CDC73: variants seen among roughly 807,000 people sequenced by gnomAD.
The protein encoded by CDC73 is cell division cycle 73.
In CDC73, 21 loss-of-function variants were observed where a neutral mutation model predicts 83.7. The observed-to-expected ratio is 0.25, with a 90% CI of 0.18 to 0.36. The LOEUF (loss-of-function observed/expected upper bound fraction) is 0.36. Ranked by LOEUF, CDC73 falls within the 10% of genes least tolerant of loss-of-function variation. The pLI is 1.00. For synonymous variants in CDC73, 224 were observed against 212.9 expected, an observed-to-expected ratio of 1.05 and a Z score of -0.45; for missense variants, 342 against 653.3, an observed-to-expected ratio of 0.52 and a Z score of 5.19.
intron 15 of CDC73, among the ~76,000 whole-genome samples, chr1:193,245,596 TG>T (rs1183791244): frequency 1.3e-5 from 2 of 152,258 alleles, no homozygotes; most frequent in African/African-American, 4.8e-5. Context: ...GCATTAAACA[TG>T]GGGGTGCAGA....
intron 13 of CDC73, among the ~76,000 whole-genome samples, chr1:193,226,221 G>T (rs1415540198): frequency 6.6e-6 from 1 of 152,066 alleles, no homozygotes; most frequent in Non-Finnish European, 1.5e-5. Flanking sequence ...CCAAAGATCA[G>T]TTGGCAAAAT....
intron 13 of CDC73, among the ~76,000 whole-genome samples, chr1:193,216,293 C>T (rs576395369): frequency 7.9e-5 from 12 of 151,992 alleles, no homozygotes; most frequent in African/African-American, 2.9e-4. Flanking sequence ...TACAGAAAAC[C>T]CTCAGAGACT....
rs1401114363 is a variant in CDC73, at chr1:193,249,873, T to A, written c.1559+2T>A. 6.2e-7 allele frequency: 1 copy of A among 1,612,060 alleles called. No homozygotes were observed. ...ACGGTTTTGGGAAACATTGGACAGG[T>A]AATTCCGATTCTAAAATATGCTTGT... On this transcript the variant is annotated splice_donor_variant, in intron 16 of 16. Coordinates refer to ENST00000367435, the MANE Select transcript of CDC73 (RefSeq NM_024529.5). LOFTEE classifies it high-confidence loss of function.
intron 13 of CDC73, among the ~76,000 whole-genome samples, chr1:193,231,740 T>G (rs1677666749): frequency 1.3e-5 from 2 of 152,148 alleles, no homozygotes; most frequent in South Asian, 4.1e-4. Flanking sequence ...AACTAAAAAC[T>G]TTCTAGACAA....
At chr1:193,222,837 C>G (rs1207524532) in intron 13 of CDC73, among the ~76,000 whole-genome samples, 1 of 142,248 alleles carries the variant, frequency 7.0e-6, no homozygotes, top group African/African-American at 2.6e-5. Flanking sequence ...ATGAGACATA[C>G]TTTAGACCTT....
At chr1:193,187,653 A>G (rs752488537) in intron 10 of CDC73, among the ~76,000 whole-genome samples, 9 of 152,200 alleles carry the variant, frequency 5.9e-5, no homozygotes, top group Non-Finnish European at 1.0e-4. Context: ...TAACAGTTAT[A>G]TACATATTCT....
intron 15 of CDC73, among the ~76,000 whole-genome samples, chr1:193,242,916 T>TA (rs1319402968): frequency 6.6e-6 from 1 of 152,060 alleles, no homozygotes; most frequent in Non-Finnish European, 1.5e-5. Context: ...ACTGGCTTCT[T>TA]ACAAAAGAAC....
chr1:193,214,857 A>C (rs1677337038), intron 13 of CDC73, among the ~76,000 whole-genome samples: 1 of 152,268 alleles, frequency 6.6e-6, no homozygotes, highest in African/African-American at 2.4e-5. Flanking sequence ...AGACAGATTC[A>C]GATGAATTTA....
At chr1:193,124,994 T>C (rs1245308307) in intron 1 of CDC73, 118 bp from the exon 2 acceptor site, 21 of 699,864 alleles carry the variant, frequency 3.0e-5, no homozygotes, top group Non-Finnish European at 5.5e-5. Context: ...TTTATACTTT[T>C]TTTTTGTTAG....
chr1:193,226,028 C>T (rs1201955458), intron 13 of CDC73, among the ~76,000 whole-genome samples: 1 of 152,056 alleles, frequency 6.6e-6, no homozygotes, highest in African/African-American at 2.4e-5. Context: ...TAGAATTTTT[C>T]TAGTTTCAGG....
At chr1:193,136,510 C>T (rs778535923) in intron 5 of CDC73, 1 of 285,944 alleles carries the variant, frequency 3.5e-6, no homozygotes, top group Admixed American at 3.5e-5. Context: ...CGTATTTGCT[C>T]ATAGATGATA....
intron 14 of CDC73, among the ~76,000 whole-genome samples, chr1:193,234,920 T>C (rs1411364907): frequency 6.6e-6 from 1 of 152,038 alleles, no homozygotes; most frequent in East Asian, 1.9e-4. Flanking sequence ...TTTTATTTTA[T>C]TATTACTATA....
At chr1:193,147,467 A>G (rs900459913) in intron 7 of CDC73, among the ~76,000 whole-genome samples, 4 of 148,664 alleles carry the variant, frequency 2.7e-5, no homozygotes, top group African/African-American at 5.0e-5. Flanking sequence ...TCCCGTGTTC[A>G]CACCATATTC....
At chr1:193,204,902 A>T (rs576881780) in intron 11 of CDC73, among the ~76,000 whole-genome samples, 18 of 152,312 alleles carry the variant, frequency 1.2e-4, no homozygotes, top group South Asian at 1.0e-3. Context: ...ACAGAATTAT[A>T]ATTTTAATAG....
chr1:193,182,987 T>C (rs1676743648), intron 10 of CDC73, among the ~76,000 whole-genome samples: 1 of 152,058 alleles, frequency 6.6e-6, no homozygotes, highest in African/African-American at 2.4e-5. Context: ...TTACAGTGTA[T>C]GCATAAATAC....
chr1:193,187,660 T>G (rs1676843094), intron 10 of CDC73, among the ~76,000 whole-genome samples: 1 of 152,186 alleles, frequency 6.6e-6, no homozygotes, highest in African/African-American at 2.4e-5. Flanking sequence ...TATATACATA[T>G]TCTTCATCTC....
rs2103121682 is a variant in CDC73, at chr1:193,135,563, G to A, written c.397G>A (p.Ala133Thr). ...QVKRAADEVL[A>T]EAKKPRIEDE... ...CAAACGAGCTGCAGATGAAGTTTTA[G>A]CAGAAGCAAAGAAACCACGAATTGA... The change falls in exon 5 of 17, where the codon GCA (alanine) becomes ACA (threonine). Residue 133 changes from alanine (A) to threonine (T), a missense_variant. This residue lies in a region of CDC73 where 99 missense variants were observed against 174.5 expected (regional missense o/e 0.57). Transcript: ENST00000367435. 1 of 1,613,410 alleles carries A rather than the reference G, an allele frequency of 6.2e-7. No homozygotes were observed. Among genetic ancestry groups the A allele is most frequent in the South Asian group, 1.1e-5 (1 of 91,034 alleles).
At chr1:193,181,283 G>C (rs770182939) in intron 10 of CDC73, 1 of 1,614,080 alleles carries the variant, frequency 6.2e-7, no homozygotes, top group Non-Finnish European at 8.5e-7. Flanking sequence ...GTTGCTGTTT[G>C]AGGCCTCAGG....
At chr1:193,241,656 G>A (rs1353015124) in intron 15 of CDC73, among the ~76,000 whole-genome samples, 8 of 152,216 alleles carry the variant, frequency 5.3e-5, no homozygotes. Flanking sequence ...GTGCGGGTGG[G>A]TAACAGTTGT....
Sources: allele counts gnomAD v4.1 joint callset (sites outside exome capture counted in the v4.1 genomes callset), GRCh38; gene constraint gnomAD v4.1.1; regional missense constraint gnomAD v4.1.1; transcripts MANE v1.5; gene names NCBI Gene and HGNC (gene_info 2026-07-23, HGNC 2026-07-21).